Variants in ADCY9 observed in about 807,000 individuals in gnomAD.
ADCY9 encodes the protein adenylate cyclase 9.
In ADCY9, 50 loss-of-function variants were observed where a neutral mutation model predicts 101.5. The ratio of observed to expected loss-of-function variants is 0.49; its 90% CI spans 0.39 to 0.62. ADCY9 has a LOEUF of 0.62. Ranked by LOEUF, ADCY9 falls within the 20% of genes least tolerant of loss-of-function variation. The pLI, the probability that ADCY9 is intolerant of heterozygous loss-of-function variation, is 0.00. For synonymous variants in ADCY9, 905 were observed against 769.3 expected (o/e 1.18, Z -2.92); for missense variants, 1,662 against 1,800.4 (o/e 0.92, Z 1.39).
chr16:3,989,228 G>A, intron 5 of ADCY9, 132 bp from the exon 6 acceptor site: 1 of 634,726 alleles, frequency 1.6e-6, no homozygotes, highest in Non-Finnish European at 2.8e-6. Flanking sequence ...AGCGCCTGTG[G>A]AACAGACGCC....
chr16:4,021,548 C>T (rs1224353080), intron 2 of ADCY9, among the ~76,000 whole-genome samples: 2 of 152,174 alleles, frequency 1.3e-5, no homozygotes, highest in Admixed American at 1.3e-4. Context: ...ACACGAGCTC[C>T]GTCCCAACTC....
At chr16:4,012,712 G>A (rs866381588) in intron 2 of ADCY9, among the ~76,000 whole-genome samples, 1 of 152,160 alleles carries the variant, frequency 6.6e-6, no homozygotes, top group Non-Finnish European at 1.5e-5. Context: ...CGCAGTTAAC[G>A]TTCTTAAGTA....
At position 4,007,490 on chromosome 16, in the gene ADCY9, G is replaced by C. The variant is rs2056374543; in HGVS notation, c.1762C>G (p.Leu588Val). 8.1e-6 allele frequency: 13 copies of C among 1,614,094 alleles called. No homozygotes were observed. The highest frequency in any genetic ancestry group is 1.1e-5 in the Non-Finnish European group (13 of 1,180,016). ...CCGTCAATGACCTCAAAGCCAGAAA[G>C]CAAGGCCTCTGCACAGCTGCAGCGA... ...ESRCSCAEAL[L>V]SGFEVIDGSQ... is the part of the protein sequence containing the mutation. Residue 588 changes from leucine (L) to valine (V), a missense_variant, in exon 3 of 11, where the codon CTT becomes GTT. By Grantham distance (32) the Leu-to-Val change is conservative. Coordinates refer to ENST00000294016, the MANE Select transcript of ADCY9 (RefSeq NM_001116.4).
intron 6 of ADCY9, among the ~76,000 whole-genome samples, chr16:3,984,820 G>A (rs530912034): frequency 2.1e-4 from 32 of 152,328 alleles, no homozygotes; most frequent in Non-Finnish European, 1.0e-4. Context: ...AGCTGGAGAC[G>A]CACGGAGCGG....
rs1346759321 is a variant in ADCY9 at position 4,090,781 on chromosome 16, C to T, written c.1693+22969G>A. Among the ~76,000 whole-genome samples the T allele has an allele frequency of 8.6e-5, 13 of 150,722 alleles. 1 individual carries two copies. The highest frequency in any genetic ancestry group is 1.5e-5 in the Non-Finnish European group (1 of 67,756). The stretch of plus-strand genomic sequence containing the variant: ...CCCTAGATACCAACTGTTTATCTAA[C>T]ACACAATTCCAGTGTTGCCAAGCCT... On this transcript the variant is annotated intron_variant, in intron 2 of 10. Transcript: ENST00000294016.
Position 3,977,606 on chromosome 16 carries a change from C to A in ADCY9, c.2704G>T (p.Ala902Ser), listed in dbSNP as rs147280539. The A allele has an allele frequency of 3.2e-5, 51 of 1,612,362 alleles. No individual in the cohort carries two copies. The highest frequency in any genetic ancestry group is 4.0e-5 in the Non-Finnish European group (47 of 1,179,634). Residue 902 changes from alanine to serine, a missense_variant, in exon 9 of 11, where the codon GCG becomes TCG. Around this residue, in one of 5 missense-constraint regions of ADCY9, gnomAD observed 624 missense variants for 639.1 expected, o/e 0.98. Transcript: ENST00000294016. ...CAGTAGTGCACGACGGCAATCAGCG[C>A]GGCCGAGCCTGTGAACACTGGGAAC... ...IHFPVFTGSA[A>S]LIAVVHYCNF...
At chr16:3,983,086 C>T (rs998017583) in intron 7 of ADCY9, 146 bp downstream of exon 7, 81 of 768,238 alleles carry the variant, frequency 1.1e-4, no homozygotes, top group Admixed American at 8.8e-4. Context: ...GCACAGGGCT[C>T]GGGGAGGACA....
Position 4,115,005 on chromosome 16 carries a change from G to A in ADCY9, c.438C>T (p.Val146=). The change falls in exon 2 of 11, where the codon GTC becomes GTT. Residue 146 remains valine, a synonymous_variant. Coordinates refer to ENST00000294016, the MANE Select transcript of ADCY9 (RefSeq NM_001116.4). The surrounding 1 kb of genome is among the most constrained non-coding windows in gnomAD (Gnocchi z 6.2). The part of the protein sequence containing the change: ...VHMRSRLIVM[V]APALCFLLVC... Reference sequence around the variant, plus strand: ...CCAGGAGGAAGCACAGCGCGGGGGCGACCATGACGATCAGTCTGGATCTCA... The same window carrying A: ...CCAGGAGGAAGCACAGCGCGGGGGCAACCATGACGATCAGTCTGGATCTCA... 6.2e-7 allele frequency: 1 copy of A among 1,614,102 alleles called. No homozygotes were observed. The highest frequency in any genetic ancestry group is 8.5e-7 in the Non-Finnish European group (1 of 1,180,036).
chr16:3,956,672 TC>T (rs998835287), intron 5 of ADCY9, among the ~76,000 whole-genome samples: 26 of 150,876 alleles, frequency 1.7e-4, no homozygotes, highest in African/African-American at 6.1e-4. Flanking sequence ...TTTTTTTTTT[TC>T]TAGTAGAAGC....
intron 5 of ADCY9, among the ~76,000 whole-genome samples, chr16:3,989,819 A>C (rs1049010329): frequency 6.6e-6 from 1 of 151,938 alleles, no homozygotes; most frequent in African/African-American, 2.4e-5. Context: ...AAACGAAAAC[A>C]TAATTCAGAA....
At chr16:4,086,134 G>A (rs1452384017) in intron 2 of ADCY9, among the ~76,000 whole-genome samples, 1 of 151,808 alleles carries the variant, frequency 6.6e-6, no homozygotes, top group South Asian at 2.1e-4. Context: ...AGGTGGCGAC[G>A]CAATGAAAAC....
At chr16:3,962,276 C>G (rs940126887), downstream of ADCY9, among the ~76,000 whole-genome samples, 1 of 152,176 alleles carries the variant, frequency 6.6e-6, no homozygotes, top group Non-Finnish European at 1.5e-5. Flanking sequence ...TCACTCTTTC[C>G]TTTTCAGAAA....
chr16:3,969,613 T>TATATACG lies in ADCY9; in HGVS notation c.2871-2648_2871-2647insCGTATAT, dbSNP rs1491520639. On this transcript the variant is annotated intron_variant, in intron 10 of 10. Transcript: ENST00000294016. ...ATATATATATATATATATATATGTA[T>TATATACG]TTTTTTTTTTTTTTAAGAAGAGACA... is the stretch of plus-strand genomic sequence containing the variant. Among the ~76,000 whole-genome samples the TATATACG allele has an allele frequency of 7.4e-5, 6 of 81,030 alleles. 1 individual carries two copies. Among genetic ancestry groups the TATATACG allele is most frequent in the African/African-American group, 4.0e-4 (6 of 14,832 alleles). 53.2% of individuals were successfully genotyped at this position (81,030 alleles called of 152,430 possible).
chr16:4,038,431 T>C (rs1370919110), intron 2 of ADCY9, among the ~76,000 whole-genome samples: 1 of 152,150 alleles, frequency 6.6e-6, no homozygotes, highest in East Asian at 1.9e-4. Flanking sequence ...CCGTAGCCTT[T>C]GCTCTTCTGT....
At chr16:4,105,137 G>A (rs1307176861) in intron 2 of ADCY9, among the ~76,000 whole-genome samples, 2 of 151,790 alleles carry the variant, frequency 1.3e-5, no homozygotes, top group East Asian at 3.9e-4. Context: ...AAAAATGTAT[G>A]GCAGTGCCAC....
chr16:3,996,034 A>G (rs2056284009), intron 3 of ADCY9, among the ~76,000 whole-genome samples: 2 of 152,126 alleles, frequency 1.3e-5, no homozygotes, highest in African/African-American at 4.8e-5. Flanking sequence ...GTCTATTTGA[A>G]AGCACCTCTT....
At chr16:4,090,785 C>CA (rs2056968407) in intron 2 of ADCY9, among the ~76,000 whole-genome samples, 1 of 151,344 alleles carries the variant, frequency 6.6e-6, no homozygotes, top group Non-Finnish European at 1.5e-5. Flanking sequence ...ATCTAACACA[C>CA]AATTCCAGTG....
intron 8 of ADCY9, 76 bp downstream of exon 8, chr16:3,979,040 C>T: frequency 6.3e-7 from 1 of 1,576,610 alleles, no homozygotes; most frequent in South Asian, 1.1e-5. Context: ...AAATTGCTAT[C>T]CCAAGTGATT....
intron 6 of ADCY9, among the ~76,000 whole-genome samples, chr16:3,986,380 C>A (rs2056193404): frequency 6.6e-6 from 1 of 152,166 alleles, no homozygotes; most frequent in African/African-American, 2.4e-5. Flanking sequence ...TAACAGCCTC[C>A]CACCTGTCAT....
Sources: gnomAD v4.1 joint callset for allele counts (sites outside exome capture counted in the v4.1 genomes callset) on GRCh38, gnomAD v4.1.1 for gene constraint, gnomAD v4.1.1 regional missense constraint, Gnocchi (gnomAD v3.1) non-coding constraint, MANE v1.5 for transcripts, NCBI Gene and HGNC (gene_info 2026-07-23, HGNC 2026-07-21) for gene names.